ACSF2: variants seen among roughly 807,000 people sequenced by gnomAD.
ACSF2 encodes the protein acyl-CoA synthetase family member 2.
Under a neutral mutation model 79.3 loss-of-function variants are expected in ACSF2, and 52 were observed. The observed-to-expected ratio is 0.66, with a 90% CI of 0.53 to 0.83. The LOEUF (loss-of-function observed/expected upper bound fraction) is 0.83, where lower values mean the gene tolerates loss of function less well. ACSF2 is among the 40% of genes least tolerant of loss of function. The pLI is 0.00. For synonymous variants in ACSF2, 283 were observed against 312.6 expected, an observed-to-expected ratio of 0.91 and a Z score of 1.00; for missense variants, 661 against 803.3, an observed-to-expected ratio of 0.82 and a Z score of 2.14.
intron 1 of ACSF2, chr17:50,460,273 G>T: frequency 2.2e-6 from 1 of 460,806 alleles, no homozygotes; most frequent in South Asian, 1.5e-5. Context: ...CCAGGGTCCA[G>T]GCACGCTTCC....
chr17:50,453,745 GGTT>G lies in ACSF2; in HGVS notation c.129-6925_129-6923del, dbSNP rs10574055. ...TTGTTTCTTTTTTGTAGTTTTTTGT[GGTT>G]GTTGTTTTGGGTTTGTGTGTGTGTG... On this transcript the variant is annotated intron_variant, in intron 1 of 15. Transcript: ENST00000300441. 5.1e-3 allele frequency among the ~76,000 whole-genome samples: 769 copies of G among 151,874 alleles called. 9 individuals carry two copies. Among genetic ancestry groups the G allele is most frequent in the African/African-American group, 0.018 (737 of 41,428 alleles).
chr17:50,473,946 G>A lies in ACSF2; in HGVS notation c.1670G>A (p.Arg557Gln), dbSNP rs752508179. ...GGGGAAGAGATTTGTGCCTGCATTC[G>A]GCTGAAGGACGGGGAGGAGACCACG... ...RMGEEICACI[R>Q]LKDGEETTVE... is the part of the protein sequence containing the mutation. Residue 557 changes from arginine to glutamine, a missense_variant, in exon 14 of 16, where the codon CGG becomes CAG. By Grantham distance (43) the Arg-to-Gln change is conservative (BLOSUM62 1). Transcript: ENST00000300441. The A allele has an allele frequency of 1.3e-6, 2 of 1,561,200 alleles. No homozygotes were observed. The highest frequency in any genetic ancestry group is 1.7e-6 in the Non-Finnish European group (2 of 1,152,250).
chr17:50,453,137 A>G (rs1238875611), intron 1 of ACSF2, among the ~76,000 whole-genome samples: 2 of 152,238 alleles, frequency 1.3e-5, no homozygotes, highest in East Asian at 3.9e-4. Context: ...CACGTGATCC[A>G]CTTGATCTCT....
chr17:50,456,512 C>T (rs569775674), intron 1 of ACSF2, among the ~76,000 whole-genome samples: 3 of 151,780 alleles, frequency 2.0e-5, no homozygotes, highest in Non-Finnish European at 4.4e-5. Flanking sequence ...GCGGGCGGAT[C>T]ACCTGAGGTC....
chr17:50,462,311 G>A lies in ACSF2; in HGVS notation c.626+9G>A. On this transcript the variant is annotated intron_variant, in intron 5 of 15. Coordinates refer to ENST00000300441, the MANE Select transcript of ACSF2 (RefSeq NM_025149.6). ...GCCTTGAAGAGTCAGAGGTGGGTGT[G>A]TCCCAGGTTAGTGGGTGGTGCATCA... 6.2e-7 allele frequency: 1 copy of A among 1,613,678 alleles called. No individual in the cohort carries two copies. Among genetic ancestry groups the A allele is most frequent in the Non-Finnish European group, 8.5e-7 (1 of 1,179,786 alleles).
chr17:50,439,208 C>A (rs973439019), intron 1 of ACSF2, among the ~76,000 whole-genome samples: 1 of 140,036 alleles, frequency 7.1e-6, no homozygotes, highest in South Asian at 2.5e-4. Flanking sequence ...GCAGCTGGAA[C>A]GACAGGTGCA....
At chr17:50,431,408 G>A (rs1322392436) in intron 1 of ACSF2, among the ~76,000 whole-genome samples, 1 of 152,200 alleles carries the variant, frequency 6.6e-6, no homozygotes, top group African/African-American at 2.4e-5. Context: ...AATCAAAGCA[G>A]GAGGAATCTG....
intron 12 of ACSF2, 60 bp from the exon 13 acceptor site, chr17:50,473,605 G>A: frequency 6.2e-7 from 1 of 1,610,322 alleles, no homozygotes; most frequent in Non-Finnish European, 8.5e-7. Flanking sequence ...TTTCACGACT[G>A]AGCAAGCAAG....
At chr17:50,432,725 T>C (rs2030038224) in intron 1 of ACSF2, among the ~76,000 whole-genome samples, 2 of 152,188 alleles carry the variant, frequency 1.3e-5, no homozygotes, top group African/African-American at 4.8e-5. Flanking sequence ...ATTCCTCCAT[T>C]TGGGAGTTAG....
At chr17:50,464,320 G>T in intron 10 of ACSF2, 26 bp downstream of exon 10, 1 of 1,611,794 alleles carries the variant, frequency 6.2e-7, no homozygotes, top group South Asian at 1.1e-5. Context: ...GGCCCGGGCT[G>T]TGGGCAGGCC....
intron 10 of ACSF2, chr17:50,468,760 C>T (rs1188366825): frequency 6.3e-7 from 1 of 1,593,272 alleles, no homozygotes. Flanking sequence ...CGGCCAGCGC[C>T]GGCAGCAGAC....
chr17:50,468,732 G>A, intron 10 of ACSF2: 1 of 1,609,728 alleles, frequency 6.2e-7, no homozygotes, highest in Non-Finnish European at 8.5e-7. Context: ...CTGTGGCAGT[G>A]GCAGTTCTGG....
At chr17:50,452,210 T>C (rs1188462171) in intron 1 of ACSF2, among the ~76,000 whole-genome samples, 2 of 152,182 alleles carry the variant, frequency 1.3e-5, no homozygotes, top group African/African-American at 4.8e-5. Context: ...GCTGATGCCT[T>C]TCCAAGTAGT....
chr17:50,464,466 G>A (rs2032551916), intron 10 of ACSF2, 172 bp downstream of exon 10: 1 of 719,710 alleles, frequency 1.4e-6, no homozygotes, highest in Non-Finnish European at 2.5e-6. Context: ...GCACCTGGTG[G>A]GTGAAGGAGA....
chr17:50,463,599 C>G lies in ACSF2; in HGVS notation c.1046+47C>G, dbSNP rs3744522. The G allele has an allele frequency of 0.54, 868,172 of 1,598,478 alleles. 242,710 individuals carry two copies. The highest frequency in any genetic ancestry group is 0.82 in the African/African-American group (61,464 of 74,790). On this transcript the variant is annotated intron_variant, in intron 8 of 15. Transcript: ENST00000300441. The surrounding 1 kb of genome is among the most constrained non-coding windows in gnomAD (Gnocchi z 4.6). ...ACTTGTGGGCTGATAAAACCCTCTT[C>G]TTCCTCACTCCTGGGCCCTGACACC...
chr17:50,463,658 C>T lies in ACSF2; in HGVS notation c.1046+106C>T. 7 of 1,539,308 alleles carry T rather than the reference C, an allele frequency of 4.5e-6. No individual in the cohort carries two copies. Among genetic ancestry groups the T allele is most frequent in the Non-Finnish European group, 6.2e-6 (7 of 1,131,286 alleles). On this transcript the variant is annotated intron_variant, in intron 8 of 15. Coordinates refer to ENST00000300441, the MANE Select transcript of ACSF2 (RefSeq NM_025149.6). The surrounding 1 kb of genome is among the most constrained non-coding windows in gnomAD (Gnocchi z 4.6). ...CTGCCTCCTCCCTCCAGCCAGGAGA[C>T]TGAGGATGGGGACAGTGGAGGACCC... is the stretch of plus-strand genomic sequence containing the variant.
Position 50,462,282 on chromosome 17 carries a change from AG to A in ACSF2, c.610del (p.Ala204ProfsTer2). Reference sequence around the variant, plus strand: ...GTCCAGAAGTGGAGAATGCCCAGCCAGGGGCCTTGAAGAGTCAGAGGTGGGT... The same window carrying A: ...GTCCAGAAGTGGAGAATGCCCAGCCAGGGCCTTGAAGAGTCAGAGGTGGGT... Reference protein sequence around the residue: ...ICPEVENAQPGALKSQRLPDL... With the variant: ...ICPEVENAQPXALKSQRLPDL... On this transcript the variant is annotated frameshift_variant, in exon 5 of 16. Transcript: ENST00000300441. LOFTEE classifies it high-confidence loss of function. 2 of 1,614,028 alleles carry A rather than the reference AG, an allele frequency of 1.2e-6. No homozygotes were observed. The highest frequency in any genetic ancestry group is 1.1e-5 in the South Asian group (1 of 91,080).
chr17:50,451,507 T>C (rs574851625), intron 1 of ACSF2, among the ~76,000 whole-genome samples: 1 of 152,350 alleles, frequency 6.6e-6, no homozygotes, highest in South Asian at 2.1e-4. Context: ...TGGAGTGCAA[T>C]GGCACAATGT....
chr17:50,460,566 T>A (rs2032266804), intron 1 of ACSF2, 111 bp from the exon 2 acceptor site: 1 of 931,884 alleles, frequency 1.1e-6, no homozygotes, highest in African/African-American at 1.7e-5. Context: ...AACCTAGTGG[T>A]CTCTAACACA....
Sources: gnomAD v4.1 joint callset for allele counts (sites outside exome capture counted in the v4.1 genomes callset) on GRCh38, gnomAD v4.1.1 for gene constraint, Gnocchi (gnomAD v3.1) non-coding constraint, MANE v1.5 for transcripts, NCBI Gene and HGNC (gene_info 2026-07-23, HGNC 2026-07-21) for gene names.